RICTOR: variants seen among roughly 807,000 people sequenced by gnomAD.
The protein encoded by RICTOR is RPTOR independent companion of MTOR complex 2, also known as rapamycin-insensitive companion of mTOR.
Under a neutral mutation model 214.9 loss-of-function variants are expected in RICTOR, and 49 were observed. That is an observed-to-expected ratio of 0.23 (90% confidence interval 0.18 to 0.29). RICTOR has a LOEUF of 0.29. RICTOR is among the 10% of genes least tolerant of loss of function. The probability of loss-of-function intolerance (pLI) is 1.00; values close to 1 mark genes in which losing one functional copy is unlikely to be tolerated. For missense variants in RICTOR, 1,625 were observed against 2,047.0 expected, an observed-to-expected ratio of 0.79 and a Z score of 3.98; for synonymous variants, 717 against 711.3, an observed-to-expected ratio of 1.01 and a Z score of -0.13.
intron 2 of RICTOR, among the ~76,000 whole-genome samples, chr5:39,065,359 C>T (rs774949920): frequency 1.2e-4 from 18 of 152,166 alleles, no homozygotes; most frequent in Non-Finnish European, 1.9e-4. Flanking sequence ...TCCCATGACC[C>T]AAACACCTCC....
intron 12 of RICTOR, 149 bp from the exon 13 acceptor site, chr5:38,967,576 G>A (rs1440656223): frequency 3.2e-6 from 2 of 617,010 alleles, no homozygotes; most frequent in African/African-American, 3.7e-5. Flanking sequence ...ACAAAAATTA[G>A]TTATGTAAAT....
intron 5 of RICTOR, among the ~76,000 whole-genome samples, chr5:38,998,852 T>C (rs1180639852): frequency 6.6e-6 from 1 of 151,266 alleles, no homozygotes; most frequent in East Asian, 2.0e-4. Context: ...CTGTCTCTAC[T>C]AAAATAGAAA....
chr5:38,969,455 A>C (rs1229827503), intron 11 of RICTOR, among the ~76,000 whole-genome samples: 1 of 152,046 alleles, frequency 6.6e-6, no homozygotes, highest in Non-Finnish European at 1.5e-5. Context: ...TAAACTAAAA[A>C]GGTTACAGTA....
chr5:39,002,419 C>T (rs1480582485), intron 5 of RICTOR, 116 bp downstream of exon 5: 15 of 615,588 alleles, frequency 2.4e-5, no homozygotes, highest in Admixed American at 8.2e-5. Flanking sequence ...TATATATACA[C>T]ACACACAAAA....
chr5:39,039,605 C>T (rs1023830555), intron 2 of RICTOR, among the ~76,000 whole-genome samples: 2 of 152,000 alleles, frequency 1.3e-5, no homozygotes, highest in Non-Finnish European at 2.9e-5. Context: ...ACAATGAAGT[C>T]AAACAAATTT....
chr5:39,027,848 T>C (rs1755954392), intron 2 of RICTOR, among the ~76,000 whole-genome samples: 1 of 152,074 alleles, frequency 6.6e-6, no homozygotes, highest in East Asian at 1.9e-4. Context: ...CAAAAGACTA[T>C]TAAGAAAATG....
chr5:38,944,376 A>G (rs921602865), intron 36 of RICTOR, 70 bp downstream of exon 36: 17 of 1,472,496 alleles, frequency 1.2e-5, no homozygotes, highest in African/African-American at 1.4e-5. Context: ...CTTTTGAAGT[A>G]TTTCAAGTAT....
rs1168171222 is a variant in RICTOR, at chr5:39,024,994, G to A, written c.98-3858C>T. Among the ~76,000 whole-genome samples the A allele has an allele frequency of 2.0e-5, 3 of 152,104 alleles. No homozygotes were observed. The East Asian group carries it at 5.8e-4, about 29-fold the overall frequency. On this transcript the variant is annotated intron_variant, in intron 2 of 37. Transcript: ENST00000357387. ...CTCTAATGTATCTAACATAGAAGTGGAAGAAAACTGATTACAACAACAACA... is the reference window on the plus strand; with the variant it reads ...CTCTAATGTATCTAACATAGAAGTGAAAGAAAACTGATTACAACAACAACA...
Position 38,950,120 on chromosome 5 carries a change from A to G in RICTOR, c.3728T>C (p.Val1243Ala), listed in dbSNP as rs761480770. Residue 1243 changes from valine to alanine, a missense_variant, in exon 31 of 38, where the codon GTA becomes GCA. By Grantham distance (64) the Val-to-Ala change is moderately conservative. This residue lies in a region of RICTOR where 1,214 missense variants were observed against 1,470.5 expected (regional missense o/e 0.83). Transcript: ENST00000357387. ...SSSPSRETVG[V>A]DATTMDTDCG... ...GTCTGTGTCCATAGTTGTAGCATCTACACCTACTGTCTCTCGTGAAGGACT... is the reference window on the plus strand; with the variant it reads ...GTCTGTGTCCATAGTTGTAGCATCTGCACCTACTGTCTCTCGTGAAGGACT... 5 of 1,613,406 alleles carry G rather than the reference A, an allele frequency of 3.1e-6. No individual in the cohort carries two copies. Among genetic ancestry groups the G allele is most frequent in the Admixed American group, 1.7e-5 (1 of 59,938 alleles).
chr5:39,069,083 TATAGTA>T (rs1318986399), intron 2 of RICTOR, among the ~76,000 whole-genome samples: 3 of 152,180 alleles, frequency 2.0e-5, no homozygotes, highest in Non-Finnish European at 4.4e-5. Context: ...AAACTAGTAT[TATAGTA>T]ATAGTATGTA....
At chr5:38,949,457 A>G (rs1378367483) in intron 31 of RICTOR, 3 of 1,550,664 alleles carry the variant, frequency 1.9e-6, no homozygotes, top group Admixed American at 3.7e-5. Context: ...AATAAAAAAA[A>G]GCTTGTGACT....
chr5:38,964,974 G>T, intron 15 of RICTOR, 82 bp from the exon 16 acceptor site: 2 of 762,356 alleles, frequency 2.6e-6, no homozygotes, highest in Non-Finnish European at 4.4e-6. Context: ...ATATAATGCT[G>T]TATTCAAGAC....
chr5:39,030,319 T>A (rs996778075), intron 2 of RICTOR, among the ~76,000 whole-genome samples: 1 of 151,912 alleles, frequency 6.6e-6, no homozygotes, highest in African/African-American at 2.4e-5. Flanking sequence ...ATTAAAGGAG[T>A]CAGTACAAAT....
At chr5:38,997,337 T>C (rs1379469419) in intron 5 of RICTOR, among the ~76,000 whole-genome samples, 1 of 152,190 alleles carries the variant, frequency 6.6e-6, no homozygotes, top group Non-Finnish European at 1.5e-5. Context: ...TACCAAAATA[T>C]AATTTGAATT....
intron 5 of RICTOR, among the ~76,000 whole-genome samples, chr5:39,001,232 C>A (rs1048602161): frequency 2.0e-5 from 3 of 151,964 alleles, no homozygotes; most frequent in Non-Finnish European, 4.4e-5. Flanking sequence ...GAAACTGGTG[C>A]AAGGACAAAT....
intron 25 of RICTOR, among the ~76,000 whole-genome samples, chr5:38,956,817 C>G (rs932350122): frequency 1.3e-5 from 2 of 152,116 alleles, no homozygotes; most frequent in Admixed American, 6.6e-5. Flanking sequence ...CCTATCACAT[C>G]TTGTCTCAGT....
intron 8 of RICTOR, among the ~76,000 whole-genome samples, chr5:38,979,745 G>A (rs1162241726): frequency 6.6e-6 from 1 of 152,146 alleles, no homozygotes; most frequent in African/African-American, 2.4e-5. Context: ...ATTGGCAAGA[G>A]GGCTCAGTTC....
Position 39,037,592 on chromosome 5 carries a change from G to C in RICTOR, c.98-16456C>G, listed in dbSNP as rs372657343. On this transcript the variant is annotated intron_variant, in intron 2 of 37. Coordinates refer to ENST00000357387, the MANE Select transcript of RICTOR (RefSeq NM_152756.5). Reference sequence around the variant, plus strand: ...CTAGCAAGACTAATAAAGAAGAAAAGAGAGAAGAATCAAATAGACGCAATA... The same window carrying C: ...CTAGCAAGACTAATAAAGAAGAAAACAGAGAAGAATCAAATAGACGCAATA... Among the ~76,000 whole-genome samples, 58 of 152,238 alleles carry C rather than the reference G, an allele frequency of 3.8e-4. 1 individual carries two copies. In the East Asian group the frequency reaches 9.8e-3, roughly 26 times the overall value.
intron 10 of RICTOR, among the ~76,000 whole-genome samples, chr5:38,975,317 T>C (rs897550987): frequency 6.6e-6 from 1 of 152,164 alleles, no homozygotes; most frequent in Admixed American, 6.5e-5. Context: ...ATAATAAATA[T>C]GTGTATACTG....
Sources: gnomAD v4.1 joint callset for allele counts (sites outside exome capture counted in the v4.1 genomes callset) on GRCh38, gnomAD v4.1.1 for gene constraint, gnomAD v4.1.1 regional missense constraint, MANE v1.5 for transcripts, NCBI Gene and HGNC (gene_info 2026-07-23, HGNC 2026-07-21) for gene names.